PREX1: variants seen among roughly 807,000 people sequenced by gnomAD.
PREX1 encodes the protein phosphatidylinositol 3,4,5-trisphosphate-dependent Rac exchanger 1 protein.
In PREX1, 41 loss-of-function variants were observed where a neutral mutation model predicts 198.3. The observed-to-expected ratio is 0.21, with a 90% confidence interval of 0.16 to 0.27. The LOEUF is 0.27. Among genes scored for constraint, PREX1 ranks in the 10% least tolerant of loss-of-function variants. PREX1 has a pLI of 1.00. For synonymous variants in PREX1, 843 were observed against 887.2 expected (o/e 0.95, Z 0.89); for missense variants, 1,620 against 2,200.7 (o/e 0.74, Z 5.28).
At chr20:48,674,202 A>T (rs1235214852) in intron 14 of PREX1, among the ~76,000 whole-genome samples, 1 of 152,254 alleles carries the variant, frequency 6.6e-6, no homozygotes, top group African/African-American at 2.4e-5. Flanking sequence ...CATAGCAAAC[A>T]TATTAAAATG....
intron 1 of PREX1, among the ~76,000 whole-genome samples, chr20:48,772,807 T>C (rs1462078119): frequency 1.3e-5 from 2 of 152,074 alleles, no homozygotes; most frequent in African/African-American, 4.8e-5. Context: ...TCAAAACAAG[T>C]GTACTCAGGG....
chr20:48,811,335 A>C (rs2006940210), intron 1 of PREX1, among the ~76,000 whole-genome samples: 1 of 152,148 alleles, frequency 6.6e-6, no homozygotes, highest in African/African-American at 2.4e-5. Context: ...ATTTTAAAAC[A>C]ATCCCGTGCA....
intron 1 of PREX1, among the ~76,000 whole-genome samples, chr20:48,773,963 C>A (rs1465792912): frequency 6.6e-6 from 1 of 152,026 alleles, no homozygotes; most frequent in Non-Finnish European, 1.5e-5. Flanking sequence ...TGGTCAGAAT[C>A]CAGAGGTATT....
At chr20:48,766,549 G>A (rs2090209044) in intron 1 of PREX1, among the ~76,000 whole-genome samples, 1 of 152,156 alleles carries the variant, frequency 6.6e-6, no homozygotes, top group Non-Finnish European at 1.5e-5. Flanking sequence ...CCTCAGCACA[G>A]GTGCTCCCTC....
chr20:48,761,548 C>T (rs1197256999), intron 1 of PREX1, among the ~76,000 whole-genome samples: 3 of 149,608 alleles, frequency 2.0e-5, no homozygotes, highest in Non-Finnish European at 1.5e-5. Context: ...CCCACCACAT[C>T]GGGAGAGGAA....
At chr20:48,873,431 G>C in the PREX1 span, among the ~76,000 whole-genome samples, 1 of 151,850 alleles carries the variant, frequency 6.6e-6, no homozygotes, top group Non-Finnish European at 1.5e-5. Flanking sequence ...GCAAGAGGCC[G>C]GGTGCAGTGG....
the PREX1 span, among the ~76,000 whole-genome samples, chr20:48,873,959 C>T: frequency 6.6e-6 from 1 of 152,116 alleles, no homozygotes; most frequent in Non-Finnish European, 1.5e-5. Flanking sequence ...TCGCAGCCCA[C>T]TGCAGCCTCT....
intron 33 of PREX1, 108 bp from the exon 34 acceptor site, chr20:48,632,747 G>A (rs899864487): frequency 1.6e-6 from 2 of 1,248,068 alleles, no homozygotes; most frequent in Admixed American, 2.1e-5. Flanking sequence ...CAGGTCCAGG[G>A]GGGCACCCTG....
At chr20:48,751,533 G>A (rs1456570539) in intron 1 of PREX1, among the ~76,000 whole-genome samples, 1 of 152,226 alleles carries the variant, frequency 6.6e-6, no homozygotes, top group Non-Finnish European at 1.5e-5. Flanking sequence ...AGAGGCTCTG[G>A]GACCAGCCCT....
rs1168247790 is a variant in PREX1 at position 48,661,419 on chromosome 20, CAAAAAAAAAAA to C, written c.1739-1369_1739-1359del. ...GGGCAACAAGAGCAAAACTCCATCT[CAAAAAAAAAAA>C]AAAAAAAAAAAAAAATATATATATA... On this transcript the variant is annotated intron_variant, in intron 15 of 39. Transcript: ENST00000371941. Among the ~76,000 whole-genome samples, 10 of 12,016 alleles carry C rather than the reference CAAAAAAAAAAA, an allele frequency of 8.3e-4. No individual in the cohort carries two copies. In the East Asian group the frequency reaches 0.013, roughly 15 times the overall value. 7.9% of individuals were successfully genotyped at this position (12,016 alleles called of 152,430 possible). A position where few individuals can be genotyped will look rare whatever the true frequency, so the allele number is the denominator to read the frequency against.
intron 1 of PREX1, among the ~76,000 whole-genome samples, chr20:48,813,430 T>C (rs371363809): frequency 6.6e-6 from 1 of 152,066 alleles, no homozygotes; most frequent in East Asian, 1.9e-4. Flanking sequence ...GGCGAGGAGA[T>C]GGGTATAGGG....
At chr20:48,726,728 A>G (rs1304544721) in intron 4 of PREX1, among the ~76,000 whole-genome samples, 1 of 152,256 alleles carries the variant, frequency 6.6e-6, no homozygotes, top group Non-Finnish European at 1.5e-5. Context: ...CTGGCCTTTT[A>G]CAGAAAAATT....
the PREX1 span, among the ~76,000 whole-genome samples, chr20:48,836,990 C>G: frequency 6.6e-6 from 1 of 150,514 alleles, no homozygotes; most frequent in Non-Finnish European, 1.5e-5. Context: ...AGACCCCAAA[C>G]TGCTAGAAAA....
the PREX1 span, among the ~76,000 whole-genome samples, chr20:48,840,049 C>A: frequency 6.6e-6 from 1 of 152,170 alleles, no homozygotes; most frequent in African/African-American, 2.4e-5. Context: ...GAGTCTTGCT[C>A]TGTTGCCCAG....
intron 1 of PREX1, among the ~76,000 whole-genome samples, chr20:48,775,034 A>G (rs2090254566): frequency 6.6e-6 from 1 of 152,176 alleles, no homozygotes; most frequent in African/African-American, 2.4e-5. Flanking sequence ...CTTTGGGGAA[A>G]CAGGCACCTA....
chr20:48,784,068 C>T (rs1313615508), intron 1 of PREX1, among the ~76,000 whole-genome samples: 1 of 152,114 alleles, frequency 6.6e-6, no homozygotes. Context: ...GGCTGCCAGG[C>T]AAAGCTATAA....
At chr20:48,686,997 C>T (rs2089788767) in intron 10 of PREX1, among the ~76,000 whole-genome samples, 4 of 152,222 alleles carry the variant, frequency 2.6e-5, no homozygotes, top group Admixed American at 2.6e-4. Context: ...TCTTCCTCCC[C>T]TTGGCTTCCG....
the PREX1 span, among the ~76,000 whole-genome samples, chr20:48,866,002 G>A: frequency 6.7e-6 from 1 of 149,986 alleles, no homozygotes; most frequent in African/African-American, 2.5e-5. Flanking sequence ...CTGCTGGAGT[G>A]CAATGGTGAG....
rs779641382 is a variant in PREX1 at position 48,639,730 on chromosome 20, C to A, written c.3904+36G>T. The stretch of plus-strand genomic sequence containing the variant: ...GGTTCCACACCAAAAGCCATGGCCC[C>A]CTCCCCACCATGATGCACCCTCCCT... On this transcript the variant is annotated intron_variant, in intron 30 of 39. Coordinates refer to ENST00000371941, the MANE Select transcript of PREX1 (RefSeq NM_020820.4). 9 of 1,609,252 alleles carry A rather than the reference C, an allele frequency of 5.6e-6. No homozygotes were observed. In the African/African-American group the frequency reaches 1.2e-4, roughly 22 times the overall value.
Sources: allele counts gnomAD v4.1 joint callset (sites outside exome capture counted in the v4.1 genomes callset), GRCh38; gene constraint gnomAD v4.1.1; transcripts MANE v1.5; gene names NCBI Gene and HGNC (gene_info 2026-07-23, HGNC 2026-07-21).